EXOC4: variants seen among roughly 807,000 people sequenced by gnomAD.
EXOC4 encodes the protein exocyst complex component 4, also known as SEC8-like 1.
Under a neutral mutation model 107.2 loss-of-function variants are expected in EXOC4, and 71 were observed. The ratio of observed to expected loss-of-function variants is 0.66; its 90% CI spans 0.55 to 0.81. The LOEUF (loss-of-function observed/expected upper bound fraction) is 0.81. Ranked by LOEUF, EXOC4 falls within the 30% of genes least tolerant of loss-of-function variation. The probability of loss-of-function intolerance (pLI) is 0.00; values close to 1 mark genes in which losing one functional copy is unlikely to be tolerated. For synonymous variants in EXOC4, 456 were observed against 441.2 expected, an observed-to-expected ratio of 1.03 and a Z score of -0.42; for missense variants, 1,108 against 1,189.6, an observed-to-expected ratio of 0.93 and a Z score of 1.01.
At chr7:133,885,392 A>G (rs1799062715) in intron 11 of EXOC4, among the ~76,000 whole-genome samples, 1 of 151,744 alleles carries the variant, frequency 6.6e-6, no homozygotes, top group South Asian at 2.1e-4. Flanking sequence ...GCTCTTATCC[A>G]CTACTCCAAT....
At chr7:133,488,143 A>G (rs529869566) in intron 9 of EXOC4, among the ~76,000 whole-genome samples, 1 of 152,340 alleles carries the variant, frequency 6.6e-6, no homozygotes, top group South Asian at 2.1e-4. Flanking sequence ...GAATACTAAT[A>G]GTATCAATAG....
intron 5 of EXOC4, among the ~76,000 whole-genome samples, chr7:133,328,753 C>T (rs534643584): frequency 2.6e-5 from 4 of 152,182 alleles, no homozygotes; most frequent in African/African-American, 9.7e-5. Context: ...TTGGCCCTCA[C>T]TGTCTTCTTG....
intron 10 of EXOC4, among the ~76,000 whole-genome samples, chr7:133,777,320 AGAAT>A (rs995900671): frequency 1.6e-5 from 2 of 128,332 alleles, no homozygotes; most frequent in African/African-American, 2.9e-5. Flanking sequence ...AGAGAGAGAG[AGAAT>A]ATATATATAT....
At chr7:133,957,940 C>T (rs1409820353) in intron 14 of EXOC4, among the ~76,000 whole-genome samples, 1 of 152,212 alleles carries the variant, frequency 6.6e-6, no homozygotes, top group Admixed American at 6.5e-5. Context: ...TCCTTTTCCT[C>T]AGCAATGCTT....
At chr7:133,626,132 G>A (rs1802448576) in intron 9 of EXOC4, among the ~76,000 whole-genome samples, 1 of 152,074 alleles carries the variant, frequency 6.6e-6, no homozygotes, top group East Asian at 1.9e-4. Context: ...GCTTGAACCT[G>A]GGAGGCGGAG....
chr7:133,583,087 G>A (rs373174030), intron 9 of EXOC4, among the ~76,000 whole-genome samples: 12 of 152,220 alleles, frequency 7.9e-5, no homozygotes, highest in Admixed American at 2.6e-4. Flanking sequence ...CCACTGCTCC[G>A]TTCTAATTTT....
intron 9 of EXOC4, among the ~76,000 whole-genome samples, chr7:133,544,790 TTTGAAAAACC>T (rs1800448450): frequency 6.6e-6 from 1 of 151,828 alleles, no homozygotes; most frequent in African/African-American, 2.4e-5. Flanking sequence ...GGGTTGATTT[TTTGAAAAACC>T]TTGTTGTCTT....
At chr7:133,723,496 T>TGTTG (rs1269924038) in intron 10 of EXOC4, among the ~76,000 whole-genome samples, 1 of 151,424 alleles carries the variant, frequency 6.6e-6, no homozygotes, top group Non-Finnish European at 1.5e-5. Flanking sequence ...CTTTCTTTTT[T>TGTTG]GTTTGTTTGT....
intron 10 of EXOC4, among the ~76,000 whole-genome samples, chr7:133,687,422 A>G (rs1169678475): frequency 6.6e-6 from 1 of 152,040 alleles, no homozygotes; most frequent in African/African-American, 2.4e-5. Flanking sequence ...TTAAAATATT[A>G]TATTTAAAAT....
rs532379847 is a variant in EXOC4, at chr7:133,262,499, T to C, written c.86+9312T>C. Among the ~76,000 whole-genome samples, 8 of 152,324 alleles carry C rather than the reference T, an allele frequency of 5.3e-5. No individual in the cohort carries two copies. In the South Asian group the frequency reaches 1.4e-3, roughly 28 times the overall value. ...AGAAAATAAAATATTTCAAGATTCT[T>C]AGGAGACCCTTTTCTGACTTTTATT... On this transcript the variant is annotated intron_variant, in intron 1 of 17. Transcript: ENST00000253861.
the EXOC4 span, among the ~76,000 whole-genome samples, chr7:134,076,301 A>C: frequency 1.3e-5 from 2 of 152,278 alleles, no homozygotes; most frequent in East Asian, 3.9e-4. Context: ...GTGGATGACG[A>C]GGTCAGGAGA....
intron 9 of EXOC4, among the ~76,000 whole-genome samples, chr7:133,573,846 G>A (rs1194538921): frequency 1.3e-5 from 2 of 152,134 alleles, no homozygotes; most frequent in East Asian, 1.9e-4. Context: ...GCCAGCCTAC[G>A]GTTTGATTCA....
At chr7:133,764,045 T>A (rs529707026) in intron 10 of EXOC4, among the ~76,000 whole-genome samples, 1 of 152,220 alleles carries the variant, frequency 6.6e-6, no homozygotes, top group African/African-American at 2.4e-5. Flanking sequence ...TTTGTCCTTG[T>A]CTCTTTGTGA....
intron 5 of EXOC4, among the ~76,000 whole-genome samples, chr7:133,334,901 A>G (rs771752561): frequency 6.6e-6 from 1 of 152,066 alleles, no homozygotes; most frequent in Non-Finnish European, 1.5e-5. Context: ...AAAGGACATG[A>G]TCTCGTTCTT....
intron 10 of EXOC4, among the ~76,000 whole-genome samples, chr7:133,725,021 C>T (rs1795185113): frequency 6.6e-6 from 1 of 152,168 alleles, no homozygotes; most frequent in South Asian, 2.1e-4. Flanking sequence ...AATGATGTGA[C>T]TTTGGTTTTA....
intron 10 of EXOC4, among the ~76,000 whole-genome samples, chr7:133,770,929 T>A (rs1796232128): frequency 6.6e-6 from 1 of 151,964 alleles, no homozygotes; most frequent in Non-Finnish European, 1.5e-5. Flanking sequence ...TTTTGAATTC[T>A]GAAATATATC....
intron 10 of EXOC4, among the ~76,000 whole-genome samples, chr7:133,688,143 T>C (rs1794345806): frequency 6.6e-6 from 1 of 152,164 alleles, no homozygotes; most frequent in Admixed American, 6.5e-5. Context: ...CCCGAGGTCA[T>C]TGTGTAATTT....
chr7:133,897,816 C>G (rs967384932), intron 12 of EXOC4, among the ~76,000 whole-genome samples: 1 of 151,944 alleles, frequency 6.6e-6, no homozygotes, highest in Middle Eastern at 3.4e-3. Flanking sequence ...TTCACATATC[C>G]ATTACCTCTC....
intron 14 of EXOC4, among the ~76,000 whole-genome samples, chr7:133,984,610 C>T (rs1029558171): frequency 2.0e-5 from 3 of 152,220 alleles, no homozygotes; most frequent in Non-Finnish European, 4.4e-5. Context: ...AAGAGCTATA[C>T]ACTGAGAGAT....
Sources: gnomAD v4.1 joint callset for allele counts (sites outside exome capture counted in the v4.1 genomes callset) on GRCh38, gnomAD v4.1.1 for gene constraint, MANE v1.5 for transcripts, NCBI Gene and HGNC (gene_info 2026-07-23, HGNC 2026-07-21) for gene names.